Variants in WDR1 observed in about 807,000 individuals in gnomAD.
The protein encoded by WDR1 is WD repeat-containing protein 1.
WDR1 carries 21 observed loss-of-function variants against 71.9 expected under a neutral mutation model. The ratio of observed to expected loss-of-function variants is 0.29; its 90% CI spans 0.21 to 0.42. The LOEUF (loss-of-function observed/expected upper bound fraction) is 0.42, where lower values mean the gene tolerates loss of function less well. Among genes scored for constraint, WDR1 ranks in the 10% least tolerant of loss-of-function variants. The pLI is 1.00. For missense variants in WDR1, 696 were observed against 824.5 expected, an observed-to-expected ratio of 0.84 and a Z score of 1.91; for synonymous variants, 424 against 347.4, an observed-to-expected ratio of 1.22 and a Z score of -2.45.
chr4:10,093,122 G>A lies in WDR1; in HGVS notation c.559-4381C>T, dbSNP rs534470910. On this transcript the variant is annotated intron_variant, in intron 5 of 14. Coordinates refer to ENST00000499869, the MANE Select transcript of WDR1 (RefSeq NM_017491.5). ...TGTCAACATCACAGAGCGACAGAGCGCTGCAGGCCCCAGCTGGCCTGTCTC... is the reference window on the plus strand; with the variant it reads ...TGTCAACATCACAGAGCGACAGAGCACTGCAGGCCCCAGCTGGCCTGTCTC... 4.3e-4 allele frequency: 552 copies of A among 1,289,354 alleles called. 6 individuals are homozygous for A. The South Asian group carries it at 6.2e-3, about 14-fold the overall frequency. 79.9% of individuals were successfully genotyped at this position (1,289,354 alleles called of 1,614,324 possible). A position where few individuals can be genotyped will look rare whatever the true frequency, so the allele number is the denominator to read the frequency against.
chr4:10,083,916 A>G (rs896544476), intron 9 of WDR1, among the ~76,000 whole-genome samples: 1 of 152,256 alleles, frequency 6.6e-6, no homozygotes, highest in African/African-American at 2.4e-5. Flanking sequence ...CCGAAGGGCC[A>G]CAAGGCACCT....
intron 9 of WDR1, chr4:10,083,703 C>T (rs144877600): frequency 3.5e-5 from 16 of 459,074 alleles, no homozygotes; most frequent in Middle Eastern, 3.3e-4. Flanking sequence ...TCATCAGCAA[C>T]GTGTGTGGGC....
chr4:10,093,548 G>A (rs573493927), intron 5 of WDR1, among the ~76,000 whole-genome samples: 6 of 152,230 alleles, frequency 3.9e-5, no homozygotes, highest in Admixed American at 3.3e-4. Flanking sequence ...TGCCTCTCCC[G>A]TCACCCGGGA....
chr4:10,110,220 C>A (rs999228438), intron 2 of WDR1, among the ~76,000 whole-genome samples: 11 of 152,182 alleles, frequency 7.2e-5, no homozygotes, highest in Admixed American at 7.2e-4. Context: ...ATCGCCAGGG[C>A]AGGGAGTGCC....
At position 10,097,680 on chromosome 4, in the gene WDR1, C is replaced by A. The variant is rs752073064; in HGVS notation, c.558+31G>T. The A allele has an allele frequency of 6.5e-5, 103 of 1,595,130 alleles. 1 individual carries two copies. Among genetic ancestry groups the A allele is most frequent in the South Asian group, 4.5e-4 (40 of 88,872 alleles). On this transcript the variant is annotated intron_variant, in intron 5 of 14. Transcript: ENST00000499869. ...CTCTGCTAGCCTCATGTACAAACCA[C>A]AAATTTCACCCAAAAAGTAAGTTCA...
chr4:10,099,711 G>T (rs1227542853), intron 3 of WDR1, among the ~76,000 whole-genome samples: 1 of 152,238 alleles, frequency 6.6e-6, no homozygotes, highest in Non-Finnish European at 1.5e-5. Flanking sequence ...CTGCAGACCG[G>T]GCTTCCTGTG....
chr4:10,081,680 G>A (rs1765021542), intron 10 of WDR1, among the ~76,000 whole-genome samples: 1 of 134,916 alleles, frequency 7.4e-6, no homozygotes, highest in Non-Finnish European at 1.6e-5. Flanking sequence ...GGGGGAAGGA[G>A]GGGCGGGAGG....
chr4:10,105,554 C>G (rs978144332), intron 2 of WDR1, among the ~76,000 whole-genome samples: 5 of 152,000 alleles, frequency 3.3e-5, no homozygotes, highest in Non-Finnish European at 7.4e-5. Flanking sequence ...AAATGCAAGT[C>G]AAAACTACAA....
chr4:10,103,782 A>ACCCCCCCCCCC, intron 3 of WDR1, 114 bp downstream of exon 3: 5 of 72,400 alleles, frequency 6.9e-5, no homozygotes, highest in East Asian at 3.5e-4. Context: ...CTGCTCCCCC[A>ACCCCCCCCCCC]CCCCCCACCT....
chr4:10,078,364 CTG>C (rs779584522), intron 12 of WDR1, among the ~76,000 whole-genome samples: 9 of 152,252 alleles, frequency 5.9e-5, no homozygotes, highest in Non-Finnish European at 1.2e-4. Flanking sequence ...GCCAGGCACA[CTG>C]TGACCAGACC....
chr4:10,115,181 C>T (rs748632752), intron 2 of WDR1, among the ~76,000 whole-genome samples: 2 of 152,202 alleles, frequency 1.3e-5, no homozygotes, highest in Non-Finnish European at 2.9e-5. Flanking sequence ...ACCCAATGGC[C>T]GGGCCGGCAC....
chr4:10,088,061 G>T, intron 7 of WDR1, 121 bp from the exon 8 acceptor site: 2 of 1,034,156 alleles, frequency 1.9e-6, no homozygotes, highest in Non-Finnish European at 2.8e-6. Context: ...AGAGAGGGTG[G>T]GACATGAGTG....
intron 3 of WDR1, among the ~76,000 whole-genome samples, chr4:10,101,990 G>T (rs929192030): frequency 2.0e-5 from 3 of 152,354 alleles, no homozygotes; most frequent in African/African-American, 7.2e-5. Flanking sequence ...TGGAGCTGGA[G>T]AAGATCTAAA....
At chr4:10,100,341 A>T (rs1423415552) in intron 3 of WDR1, among the ~76,000 whole-genome samples, 1 of 152,234 alleles carries the variant, frequency 6.6e-6, no homozygotes, top group Non-Finnish European at 1.5e-5. Context: ...AAGAGTGGAA[A>T]TAACAGAGCC....
intron 2 of WDR1, among the ~76,000 whole-genome samples, chr4:10,107,205 C>T (rs1241061432): frequency 6.6e-6 from 1 of 152,172 alleles, no homozygotes; most frequent in African/African-American, 2.4e-5. Flanking sequence ...CCCCTCCTCC[C>T]AGGCTTTCTT....
intron 13 of WDR1, 116 bp downstream of exon 13, chr4:10,077,637 G>C: frequency 6.8e-7 from 1 of 1,461,878 alleles, no homozygotes; most frequent in Non-Finnish European, 9.1e-7. Flanking sequence ...ACTTGTAGAG[G>C]CAAGAAAACT....
intron 5 of WDR1, among the ~76,000 whole-genome samples, chr4:10,093,798 CAG>C (rs3834233): frequency 0.17 from 25,163 of 152,274 alleles, 2,579 homozygotes; most frequent in Middle Eastern, 0.24. Flanking sequence ...ATGCCCATCA[CAG>C]GGGCATGGCC....
rs374592871 is a variant in WDR1, at chr4:10,088,293, T to C, written c.717A>G (p.Ala239=). 2.8e-5 allele frequency: 43 copies of C among 1,552,784 alleles called. No homozygotes were observed. In the South Asian group the frequency reaches 3.2e-4, roughly 12 times the overall value. ...GGCCGGGAAACACGCTCATACTCAC[T>C]GCGTAAATCCCACCGTCGTGGGCCT... ...GSKAHDGGIY[A]ISWSPDSTHL... is the part of the protein sequence containing the mutation. The change falls in exon 7 of 15, where the codon GCA becomes GCG. Residue 239 remains alanine (A), a splice_region_variant and synonymous_variant. Transcript: ENST00000499869.
intron 12 of WDR1, 45 bp downstream of exon 12, chr4:10,078,846 C>G (rs1764898574): frequency 1.3e-6 from 2 of 1,537,690 alleles, no homozygotes; most frequent in Admixed American, 3.4e-5. Flanking sequence ...CCAAATCACC[C>G]AGATACCAAG....
Sources: gnomAD v4.1 joint callset for allele counts (sites outside exome capture counted in the v4.1 genomes callset) on GRCh38, gnomAD v4.1.1 for gene constraint, MANE v1.5 for transcripts, NCBI Gene and HGNC (gene_info 2026-07-23, HGNC 2026-07-21) for gene names.